Variants in GABRB1 observed in about 807,000 individuals in gnomAD.
GABRB1 encodes the protein gamma-aminobutyric acid receptor subunit beta-1.
Under a neutral mutation model 51.6 loss-of-function variants are expected in GABRB1, and 17 were observed. That is an observed-to-expected ratio of 0.33 (90% confidence interval 0.23 to 0.49). The LOEUF (loss-of-function observed/expected upper bound fraction) is 0.49, where lower values mean the gene tolerates loss of function less well. Among genes scored for constraint, GABRB1 ranks in the 20% least tolerant of loss-of-function variants. GABRB1 has a pLI of 0.99. For missense variants in GABRB1, 410 were observed against 600.6 expected, an observed-to-expected ratio of 0.68 and a Z score of 3.32; for synonymous variants, 247 against 218.9, an observed-to-expected ratio of 1.13 and a Z score of -1.14.
At chr4:47,195,429 T>C (rs1302683166) in intron 4 of GABRB1, among the ~76,000 whole-genome samples, 3 of 121,908 alleles carry the variant, frequency 2.5e-5, no homozygotes, top group African/African-American at 1.0e-4. Flanking sequence ...GATAGATAGA[T>C]AGATAGATAG....
At chr4:47,205,975 A>G (rs1311057545) in intron 4 of GABRB1, among the ~76,000 whole-genome samples, 1 of 152,022 alleles carries the variant, frequency 6.6e-6, no homozygotes, top group Non-Finnish European at 1.5e-5. Flanking sequence ...GTTAGCTAAG[A>G]CCTTACAGGT....
intron 3 of GABRB1, among the ~76,000 whole-genome samples, chr4:47,108,531 A>G (rs935824185): frequency 1.1e-4 from 17 of 152,028 alleles, no homozygotes; most frequent in African/African-American, 3.9e-4. Context: ...AGTTTCACCT[A>G]TATTAATTAT....
At chr4:47,123,095 C>A (rs1250986300) in intron 3 of GABRB1, among the ~76,000 whole-genome samples, 1 of 151,760 alleles carries the variant, frequency 6.6e-6, no homozygotes, top group Non-Finnish European at 1.5e-5. Flanking sequence ...TTGAATTATT[C>A]CAGTGCTCTG....
chr4:47,310,159 T>C (rs548516833), intron 4 of GABRB1, among the ~76,000 whole-genome samples: 1 of 152,330 alleles, frequency 6.6e-6, no homozygotes, highest in South Asian at 2.1e-4. Flanking sequence ...TTCTTAATAA[T>C]GTAAATATTT....
intron 4 of GABRB1, among the ~76,000 whole-genome samples, chr4:47,167,671 G>C (rs1011173012): frequency 6.6e-6 from 1 of 152,128 alleles, no homozygotes; most frequent in Non-Finnish European, 1.5e-5. Flanking sequence ...TATTTAAGGG[G>C]TGACTAGGTC....
At chr4:47,371,058 G>A (rs555938295) in intron 5 of GABRB1, among the ~76,000 whole-genome samples, 43 of 151,772 alleles carry the variant, frequency 2.8e-4, no homozygotes, top group African/African-American at 6.3e-4. Context: ...CCCAGCTTCC[G>A]TTAGCTGTTC....
rs5858056 is a variant in GABRB1, at chr4:47,159,509, ATTT to A, written c.241-1729_241-1727del. ...GAGGACTGTAAGTAGCCTGAGGGTT[ATTT>A]TTTTTTTTTTACATGAAGGTAAGGT... On this transcript the variant is annotated intron_variant, in intron 3 of 8. Transcript: ENST00000295454. Among the ~76,000 whole-genome samples the A allele has an allele frequency of 4.5e-4, 67 of 148,780 alleles. 1 individual carries two copies. The highest frequency in any genetic ancestry group is 1.5e-3 in the African/African-American group (62 of 40,684).
intron 3 of GABRB1, among the ~76,000 whole-genome samples, chr4:47,137,385 C>A (rs1716714957): frequency 6.6e-6 from 1 of 151,906 alleles, no homozygotes; most frequent in Non-Finnish European, 1.5e-5. Context: ...GGATTGAGGA[C>A]AGAACAGACA....
chr4:47,177,814 TG>T (rs1472339960), intron 4 of GABRB1, among the ~76,000 whole-genome samples: 14 of 69,292 alleles, frequency 2.0e-4, no homozygotes, highest in South Asian at 1.0e-3. Flanking sequence ...ATAAGAACAG[TG>T]GTTTTTTTTT....
At chr4:47,118,230 T>C (rs1232406108) in intron 3 of GABRB1, among the ~76,000 whole-genome samples, 1 of 152,142 alleles carries the variant, frequency 6.6e-6, no homozygotes, top group Non-Finnish European at 1.5e-5. Flanking sequence ...AAAGTTCAAA[T>C]ACCAATGAGT....
At chr4:47,299,553 C>A (rs1724160941) in intron 4 of GABRB1, among the ~76,000 whole-genome samples, 1 of 152,140 alleles carries the variant, frequency 6.6e-6, no homozygotes, top group Non-Finnish European at 1.5e-5. Flanking sequence ...CCATCTCACA[C>A]CAGTTAGAAT....
intron 4 of GABRB1, among the ~76,000 whole-genome samples, chr4:47,209,989 A>T (rs1477616007): frequency 6.6e-6 from 1 of 152,126 alleles, no homozygotes; most frequent in Non-Finnish European, 1.5e-5. Flanking sequence ...GTATTTCAAA[A>T]TAAGCATAAT....
intron 4 of GABRB1, among the ~76,000 whole-genome samples, chr4:47,298,246 T>C: frequency 6.6e-6 from 1 of 151,994 alleles, no homozygotes; most frequent in African/African-American, 2.4e-5. Flanking sequence ...GCCAGGGCAA[T>C]TAGGCAGAAG....
chr4:47,147,048 G>A (rs1035385871), intron 3 of GABRB1, among the ~76,000 whole-genome samples: 2 of 151,762 alleles, frequency 1.3e-5, no homozygotes, highest in African/African-American at 4.8e-5. Context: ...CTAGAGAGTG[G>A]ATAAGGCACA....
intron 4 of GABRB1, among the ~76,000 whole-genome samples, chr4:47,192,007 TAATTA>T (rs1719457784): frequency 6.6e-6 from 1 of 152,108 alleles, no homozygotes; most frequent in African/African-American, 2.4e-5. Context: ...TTTTAAAACA[TAATTA>T]AATAGACTCG....
intron 5 of GABRB1, among the ~76,000 whole-genome samples, chr4:47,383,748 A>G (rs1163750290): frequency 6.6e-6 from 1 of 152,200 alleles, no homozygotes; most frequent in African/African-American, 2.4e-5. Context: ...TAAGCATTAA[A>G]TATACCAAAC....
chr4:47,056,005 A>G (rs1031456344), intron 3 of GABRB1, among the ~76,000 whole-genome samples: 1 of 152,236 alleles, frequency 6.6e-6, no homozygotes, highest in East Asian at 1.9e-4. Context: ...AACCAAGGTT[A>G]AATCATCCAT....
chr4:47,400,543 T>A (rs1728341185), intron 5 of GABRB1, among the ~76,000 whole-genome samples: 1 of 149,034 alleles, frequency 6.7e-6, no homozygotes, highest in South Asian at 2.1e-4. Context: ...TCTCTCTCTC[T>A]CTCTCTCTCT....
chr4:47,289,414 A>G (rs1185696470), intron 4 of GABRB1, among the ~76,000 whole-genome samples: 15 of 152,192 alleles, frequency 9.9e-5, no homozygotes, highest in Admixed American at 9.8e-4. Flanking sequence ...TGAAATTGTT[A>G]TTAGGGGTGG....
Sources: allele counts gnomAD v4.1 joint callset (sites outside exome capture counted in the v4.1 genomes callset), GRCh38; gene constraint gnomAD v4.1.1; transcripts MANE v1.5; gene names NCBI Gene and HGNC (gene_info 2026-07-23, HGNC 2026-07-21).